FOXP2: variants seen among roughly 807,000 people sequenced by gnomAD.
FOXP2 encodes the protein forkhead box P2.
Under a neutral mutation model 115.8 loss-of-function variants are expected in FOXP2, and 12 were observed. The ratio of observed to expected loss-of-function variants is 0.10; its 90% CI spans 0.07 to 0.17. The LOEUF (loss-of-function observed/expected upper bound fraction) is 0.17, where lower values mean the gene tolerates loss of function less well. FOXP2 is among the 10% of genes least tolerant of loss of function. FOXP2 has a pLI of 1.00. For missense variants in FOXP2, 629 were observed against 843.5 expected, an observed-to-expected ratio of 0.75 and a Z score of 3.15; for synonymous variants, 328 against 297.7, an observed-to-expected ratio of 1.10 and a Z score of -1.05.
At chr7:114,236,658 ACTTTACATACACATTTACATGTG>A (rs1203242341) in intron 1 of FOXP2, among the ~76,000 whole-genome samples, 2 of 152,248 alleles carry the variant, frequency 1.3e-5, no homozygotes, top group Admixed American at 6.5e-5. Context: ...ATGTACATGT[ACTTTACATACACATTTACATGTG>A]CTTTACATAC....
intron 3 of FOXP2, among the ~76,000 whole-genome samples, chr7:114,571,543 A>G (rs1801303210): frequency 6.6e-6 from 1 of 151,860 alleles, no homozygotes; most frequent in Non-Finnish European, 1.5e-5. Context: ...TCAGCGCTTC[A>G]CAGTCATGGG....
intron 1 of FOXP2, among the ~76,000 whole-genome samples, chr7:114,191,764 A>G (rs1012388157): frequency 6.6e-6 from 1 of 152,160 alleles, no homozygotes; most frequent in Non-Finnish European, 1.5e-5. Context: ...CAATTGTGAT[A>G]CAGTATTATT....
chr7:114,323,333 A>G (rs146034838), intron 2 of FOXP2, among the ~76,000 whole-genome samples: 1 of 152,252 alleles, frequency 6.6e-6, no homozygotes, highest in African/African-American at 2.4e-5. Flanking sequence ...TTGTCATACT[A>G]TTAAACATTG....
At chr7:114,664,521 G>T (rs1807060732) in intron 16 of FOXP2, 85 bp downstream of exon 16, 1 of 1,461,570 alleles carries the variant, frequency 6.8e-7, no homozygotes, top group East Asian at 2.4e-5. Flanking sequence ...AGTTTTTACT[G>T]TTGTATAAGT....
rs543156365 is a variant in FOXP2 at position 114,519,859 on chromosome 7, G to A, written c.169-14758G>A. On this transcript the variant is annotated intron_variant, in intron 2 of 16. Coordinates refer to ENST00000350908, the MANE Select transcript of FOXP2 (RefSeq NM_014491.4). ...TTCCCAGTGTCACTCTCAGAAATAA[G>A]GTTTTAATTTCCAATTTTATCCGTC... Among the ~76,000 whole-genome samples the A allele has an allele frequency of 2.6e-4, 39 of 152,088 alleles. 1 individual carries two copies. Among genetic ancestry groups the A allele is most frequent in the African/African-American group, 9.2e-4 (38 of 41,508 alleles).
At chr7:114,165,313 T>C (rs907577416) in intron 1 of FOXP2, among the ~76,000 whole-genome samples, 1 of 152,118 alleles carries the variant, frequency 6.6e-6, no homozygotes, top group African/African-American at 2.4e-5. Flanking sequence ...ACAAAAGACA[T>C]TGTGATTGGG....
intron 2 of FOXP2, among the ~76,000 whole-genome samples, chr7:114,512,110 G>C (rs900937857): frequency 6.6e-6 from 1 of 152,034 alleles, no homozygotes; most frequent in African/African-American, 2.4e-5. Flanking sequence ...AATATAGTTA[G>C]TTATTGGCTT....
At chr7:114,219,812 C>A (rs1794575325) in intron 1 of FOXP2, among the ~76,000 whole-genome samples, 1 of 151,872 alleles carries the variant, frequency 6.6e-6, no homozygotes, top group African/African-American at 2.4e-5. Flanking sequence ...CCATAGCTAG[C>A]ACGAGGTTTC....
chr7:114,270,370 G>A (rs1471917181), intron 1 of FOXP2, among the ~76,000 whole-genome samples: 2 of 152,128 alleles, frequency 1.3e-5, no homozygotes, highest in Non-Finnish European at 2.9e-5. Context: ...TTTGATTAGA[G>A]TGTCCTTAGT....
chr7:114,690,004 C>A lies in FOXP2; in HGVS notation c.*78C>A. On this transcript the variant is annotated 3_prime_UTR_variant, in exon 17 of 17. Transcript: ENST00000350908. ...CCACTCCACAACCATGAATATTTGA[C>A]AAATTTTTACTGTGACTATTTATTA... The A allele has an allele frequency of 6.5e-7, 1 of 1,534,412 alleles. No individual in the cohort carries two copies. The highest frequency in any genetic ancestry group is 9.0e-7 in the Non-Finnish European group (1 of 1,115,784).
chr7:114,650,590 G>A (rs1396086878), intron 8 of FOXP2, among the ~76,000 whole-genome samples: 1 of 151,970 alleles, frequency 6.6e-6, no homozygotes, highest in Non-Finnish European at 1.5e-5. Flanking sequence ...TTTAGGAATT[G>A]GTGACACTTT....
intron 2 of FOXP2, among the ~76,000 whole-genome samples, chr7:114,382,228 G>A (rs537624515): frequency 5.9e-5 from 9 of 152,274 alleles, no homozygotes; most frequent in Admixed American, 2.0e-4. Context: ...TGAGAAGGCC[G>A]CGCCAGTGTC....
Position 114,631,651 on chromosome 7 carries a change from C to A in FOXP2, c.721C>A (p.Leu241Ile), listed in dbSNP as rs148201242. 6.2e-7 allele frequency: 1 copy of A among 1,614,004 alleles called. No homozygotes were observed. The highest frequency in any genetic ancestry group is 1.3e-5 in the African/African-American group (1 of 74,934). ...QHLLSLQRQG[L>I]ISIPPGQAAL... The stretch of plus-strand genomic sequence containing the variant: ...TCTGCTCAGCCTTCAGCGTCAGGGA[C>A]TCATCTCCATTCCACCTGGCCAGGC... Residue 241 changes from leucine (L) to isoleucine (I), a missense_variant, in exon 6 of 17, where the codon CTC (leucine) becomes ATC (isoleucine). Leu to Ile is a conservative substitution (Grantham distance 5). Transcript: ENST00000350908.
intron 3 of FOXP2, chr7:114,570,713 A>G: frequency 2.1e-6 from 2 of 972,190 alleles, no homozygotes; most frequent in Middle Eastern, 4.2e-4. Flanking sequence ...TAATAATTCC[A>G]AAAAATGATT....
At chr7:114,103,935 T>C (rs1238455332) in intron 1 of FOXP2, among the ~76,000 whole-genome samples, 2 of 152,048 alleles carry the variant, frequency 1.3e-5, no homozygotes, top group African/African-American at 2.4e-5. Flanking sequence ...AATTCTCTTA[T>C]GTGAACTCTA....
intron 3 of FOXP2, 110 bp downstream of exon 3, chr7:114,534,816 G>A (rs1201719774): frequency 3.7e-6 from 3 of 810,518 alleles, no homozygotes; most frequent in Non-Finnish European, 6.3e-6. Context: ...ATTTGCATAT[G>A]TAGGTAATTT....
chr7:114,306,381 C>T (rs1433806038), intron 2 of FOXP2, among the ~76,000 whole-genome samples: 1 of 152,114 alleles, frequency 6.6e-6, no homozygotes, highest in Non-Finnish European at 1.5e-5. Flanking sequence ...GAGGAACACT[C>T]AGCTAGGGAT....
rs1045054364 is a variant in FOXP2, at chr7:114,568,424, G to GT, written c.258+33727dup. On this transcript the variant is annotated intron_variant, in intron 3 of 16. Coordinates refer to ENST00000350908, the MANE Select transcript of FOXP2 (RefSeq NM_014491.4). ...GAAAAGGTTCTTCATGGTCTTGTGG[G>GT]TTTTTTTTTGGGGGGGGGTTATTTT... Among the ~76,000 whole-genome samples the GT allele has an allele frequency of 1.2e-3, 171 of 137,994 alleles. 1 individual carries two copies. Among genetic ancestry groups the GT allele is most frequent in the Non-Finnish European group, 1.0e-3 (64 of 62,906 alleles). 90.5% of individuals were successfully genotyped at this position (137,994 alleles called of 152,430 possible).
intron 16 of FOXP2, among the ~76,000 whole-genome samples, chr7:114,687,706 C>A (rs1563079795): frequency 6.6e-6 from 1 of 152,070 alleles, no homozygotes; most frequent in Non-Finnish European, 1.5e-5. Context: ...TTGTTTGTTA[C>A]CATATGATAA....
Sources: allele counts gnomAD v4.1 joint callset (sites outside exome capture counted in the v4.1 genomes callset), GRCh38; gene constraint gnomAD v4.1.1; transcripts MANE v1.5; gene names NCBI Gene and HGNC (gene_info 2026-07-23, HGNC 2026-07-21).